The following CCSER2 variants were observed in gnomAD, a reference collection of about 807,000 sequenced individuals.
The protein encoded by CCSER2 is serine-rich coiled-coil domain-containing protein 2.
CCSER2 carries 46 observed loss-of-function variants against 92.3 expected under a neutral mutation model. That is an observed-to-expected ratio of 0.50 (90% confidence interval 0.39 to 0.64). The LOEUF (loss-of-function observed/expected upper bound fraction) is 0.64. CCSER2 is among the 30% of genes least tolerant of loss of function. The probability of loss-of-function intolerance (pLI) is 0.00; values close to 1 mark genes in which losing one functional copy is unlikely to be tolerated. For missense variants in CCSER2, 1,244 were observed against 1,238.9 expected, an observed-to-expected ratio of 1.00 and a Z score of -0.06; for synonymous variants, 433 against 431.4, an observed-to-expected ratio of 1.00 and a Z score of -0.04.
intron 3 of CCSER2, among the ~76,000 whole-genome samples, chr10:84,403,219 T>C (rs1217903562): frequency 6.6e-6 from 1 of 152,054 alleles, no homozygotes; most frequent in African/African-American, 2.4e-5. Flanking sequence ...ACTGAAACAA[T>C]TGGATATCCA....
At chr10:84,415,544 C>A (rs1432202875) in intron 3 of CCSER2, among the ~76,000 whole-genome samples, 1 of 152,168 alleles carries the variant, frequency 6.6e-6, no homozygotes, top group Non-Finnish European at 1.5e-5. Context: ...AACTCCATTC[C>A]AGAGGTTACT....
intron 3 of CCSER2, chr10:84,391,488 G>A: frequency 1.3e-6 from 2 of 1,555,222 alleles, no homozygotes; most frequent in South Asian, 2.2e-5. Flanking sequence ...GTTAAGCCTT[G>A]TATAGCTGAT....
chr10:84,392,534 TA>T (rs367706352), intron 3 of CCSER2, among the ~76,000 whole-genome samples: 15 of 152,148 alleles, frequency 9.9e-5, no homozygotes, highest in African/African-American at 3.6e-4. Context: ...GTTTTTTTTT[TA>T]ATCCAAGTTT....
intron 6 of CCSER2, among the ~76,000 whole-genome samples, chr10:84,447,398 T>C (rs776427385): frequency 2.0e-5 from 3 of 152,234 alleles, no homozygotes; most frequent in African/African-American, 7.2e-5. Flanking sequence ...CGATCATATG[T>C]TTTGTGTGTA....
chr10:84,352,289 G>A (rs1484259386), intron 1 of CCSER2, among the ~76,000 whole-genome samples: 1 of 150,968 alleles, frequency 6.6e-6, no homozygotes, highest in African/African-American at 2.4e-5. Context: ...GGCGACAGAG[G>A]AAGACTCTGT....
intron 1 of CCSER2, among the ~76,000 whole-genome samples, chr10:84,352,429 AT>A (rs1439911297): frequency 2.6e-5 from 4 of 152,138 alleles, no homozygotes; most frequent in African/African-American, 4.8e-5. Context: ...GGCACTGGCC[AT>A]TAGGTGGCAG....
At chr10:84,475,049 C>T (rs1847055935) in intron 8 of CCSER2, among the ~76,000 whole-genome samples, 1 of 152,126 alleles carries the variant, frequency 6.6e-6, no homozygotes, top group Admixed American at 6.5e-5. Flanking sequence ...GTGTCACATT[C>T]TCACACAGTA....
At chr10:84,492,601 G>A (rs1683809029) in intron 9 of CCSER2, among the ~76,000 whole-genome samples, 1 of 152,166 alleles carries the variant, frequency 6.6e-6, no homozygotes, top group Non-Finnish European at 1.5e-5. Flanking sequence ...GTTAGCTATC[G>A]ATATTTGGGA....
chr10:84,386,584 G>C (rs536606443), intron 3 of CCSER2, among the ~76,000 whole-genome samples: 27 of 152,124 alleles, frequency 1.8e-4, no homozygotes, highest in Non-Finnish European at 1.3e-4. Flanking sequence ...AGACATGGTG[G>C]CACAAATGCC....
intron 9 of CCSER2, among the ~76,000 whole-genome samples, chr10:84,496,125 A>C (rs1848436659): frequency 1.3e-5 from 2 of 152,046 alleles, no homozygotes. Context: ...TATATATTTA[A>C]CTATATATAG....
At chr10:84,354,850 A>C (rs1273429466) in intron 1 of CCSER2, among the ~76,000 whole-genome samples, 1 of 151,196 alleles carries the variant, frequency 6.6e-6, no homozygotes, top group East Asian at 2.0e-4. Flanking sequence ...CCCTCAATCA[A>C]AGGCAAACAT....
intron 9 of CCSER2, among the ~76,000 whole-genome samples, chr10:84,483,953 T>TTTTATATATATATATA (rs1426923651): frequency 2.1e-5 from 1 of 48,046 alleles, no homozygotes; most frequent in African/African-American, 5.3e-5. Flanking sequence ...CCCGGCTAAT[T>TTTTATATATATATATA]TATATATATA....
intron 3 of CCSER2, among the ~76,000 whole-genome samples, chr10:84,414,174 T>C (rs531113458): frequency 6.6e-6 from 1 of 152,370 alleles, no homozygotes; most frequent in South Asian, 2.1e-4. Context: ...TGTATGTAAA[T>C]TTGATCTTGT....
At chr10:84,354,767 C>A in intron 1 of CCSER2, among the ~76,000 whole-genome samples, 1 of 151,656 alleles carries the variant, frequency 6.6e-6, no homozygotes, top group East Asian at 2.0e-4. Context: ...CTCGCGTATG[C>A]TCTCTAGATA....
intron 7 of CCSER2, among the ~76,000 whole-genome samples, chr10:84,465,481 T>C (rs371080540): frequency 6.6e-6 from 1 of 151,580 alleles, no homozygotes; most frequent in Non-Finnish European, 1.5e-5. Context: ...TCTGCCACCA[T>C]GCTCGGCTAA....
intron 9 of CCSER2, among the ~76,000 whole-genome samples, chr10:84,493,287 G>C (rs1158438415): frequency 6.6e-6 from 1 of 151,914 alleles, no homozygotes; most frequent in Non-Finnish European, 1.5e-5. Flanking sequence ...ATGGCTGGAG[G>C]GTCTGTAGTG....
At chr10:84,511,602 A>G (rs937654820) in intron 9 of CCSER2, among the ~76,000 whole-genome samples, 39 of 152,190 alleles carry the variant, frequency 2.6e-4, no homozygotes, top group Admixed American at 1.8e-3. Flanking sequence ...ATATCTTACC[A>G]TGTTTGAGGG....
intron 1 of CCSER2, among the ~76,000 whole-genome samples, chr10:84,331,368 T>C (rs1329302577): frequency 6.6e-6 from 1 of 152,146 alleles, no homozygotes; most frequent in Non-Finnish European, 1.5e-5. Context: ...TGATAATTCA[T>C]TTGGGGATAT....
intron 6 of CCSER2, among the ~76,000 whole-genome samples, chr10:84,456,500 TTG>T (rs1265033256): frequency 4.6e-5 from 7 of 152,220 alleles, no homozygotes; most frequent in African/African-American, 1.4e-4. Flanking sequence ...GGTATTTATG[TTG>T]CTTTCTACTT....
Sources: gnomAD v4.1 joint callset for allele counts (sites outside exome capture counted in the v4.1 genomes callset) on GRCh38, gnomAD v4.1.1 for gene constraint, MANE v1.5 for transcripts, NCBI Gene and HGNC (gene_info 2026-07-23, HGNC 2026-07-21) for gene names.